Variants in TBC1D5 observed in about 807,000 individuals in gnomAD.
The protein encoded by TBC1D5 is TBC1 domain family, member 5.
A neutral mutation model predicts 100.3 loss-of-function variants in TBC1D5; 75 were observed. The ratio of observed to expected loss-of-function variants is 0.75; its 90% confidence interval spans 0.62 to 0.91. TBC1D5 has a LOEUF of 0.91. Ranked by LOEUF, TBC1D5 falls within the 40% of genes least tolerant of loss-of-function variation. The pLI is 0.00. For missense variants in TBC1D5, 910 were observed against 942.4 expected, an observed-to-expected ratio of 0.97 and a Z score of 0.45; for synonymous variants, 323 against 325.6, an observed-to-expected ratio of 0.99 and a Z score of 0.09.
chr3:17,577,097 A>G (rs1246693528), intron 2 of TBC1D5, among the ~76,000 whole-genome samples: 2 of 151,972 alleles, frequency 1.3e-5, no homozygotes, highest in African/African-American at 2.4e-5. Flanking sequence ...AGGCTATTAT[A>G]TGTACAACCC....
intron 7 of TBC1D5, 27 bp downstream of exon 7, chr3:17,404,667 T>A: frequency 6.4e-7 from 1 of 1,571,396 alleles, no homozygotes; most frequent in Admixed American, 1.9e-5. Flanking sequence ...CAAAAGAGGT[T>A]AAGACATGAA....
At chr3:17,413,321 T>C (rs1176752191) in intron 4 of TBC1D5, among the ~76,000 whole-genome samples, 2 of 152,172 alleles carry the variant, frequency 1.3e-5, no homozygotes, top group African/African-American at 4.8e-5. Context: ...CTGTAACTTA[T>C]TAAATATGTA....
rs150614567 is a variant in TBC1D5, at chr3:17,678,666, T to TAAAAAA, written c.-100-54759_-100-54754dup. Among the ~76,000 whole-genome samples the TAAAAAA allele has an allele frequency of 2.7e-3, 296 of 109,024 alleles. 5 individuals are homozygous for TAAAAAA. Among genetic ancestry groups the TAAAAAA allele is most frequent in the African/African-American group, 0.011 (260 of 23,946 alleles). The allele number at this position is 109,024 out of a possible 152,430, so 71.5% of individuals were successfully genotyped here. On this transcript the variant is annotated intron_variant, in intron 1 of 21. Transcript: ENST00000253692. ...AAGAGAACTGAGGGAAAAAGAGGGA[T>TAAAAAA]AAAAAAAAAAAAAAAAAAAAACAGG...
intron 3 of TBC1D5, among the ~76,000 whole-genome samples, chr3:17,494,906 C>T (rs953273472): frequency 6.6e-6 from 1 of 152,192 alleles, no homozygotes; most frequent in Non-Finnish European, 1.5e-5. Context: ...GTGGCATGGG[C>T]TCATGAGGGG....
At chr3:17,233,721 C>T in intron 17 of TBC1D5, 1 of 1,546,050 alleles carries the variant, frequency 6.5e-7, no homozygotes. Flanking sequence ...GGAACAGAAA[C>T]CTGAGCATCG....
intron 12 of TBC1D5, 112 bp from the exon 13 acceptor site, chr3:17,372,359 ACTC>A: frequency 1.0e-6 from 1 of 961,642 alleles, no homozygotes; most frequent in Non-Finnish European, 1.4e-6. Flanking sequence ...TCTGCCTACT[ACTC>A]ATTCTTAAAA....
intron 1 of TBC1D5, among the ~76,000 whole-genome samples, chr3:17,729,016 T>TAA (rs34461809): frequency 0.18 from 5,214 of 29,420 alleles, 560 homozygotes; most frequent in East Asian, 0.27. Flanking sequence ...TGAAAATCAG[T>TAA]AAAAAAAAAA....
intron 2 of TBC1D5, among the ~76,000 whole-genome samples, chr3:17,601,043 C>A (rs972662956): frequency 6.6e-6 from 1 of 152,174 alleles, no homozygotes; most frequent in Admixed American, 6.5e-5. Flanking sequence ...TACAGGACCA[C>A]CCATAAGTGA....
chr3:17,503,127 T>G (rs983444113), intron 3 of TBC1D5, among the ~76,000 whole-genome samples: 1 of 149,782 alleles, frequency 6.7e-6, no homozygotes, highest in Non-Finnish European at 1.5e-5. Flanking sequence ...GTTCTTCATA[T>G]AAGGGAGCTT....
intron 16 of TBC1D5, among the ~76,000 whole-genome samples, chr3:17,239,430 T>G (rs1396814725): frequency 6.6e-6 from 1 of 152,200 alleles, no homozygotes; most frequent in African/African-American, 2.4e-5. Context: ...CACTAAATTC[T>G]CTACTGAACT....
chr3:17,162,176 C>T (rs1319339439), intron 21 of TBC1D5, among the ~76,000 whole-genome samples: 1 of 152,216 alleles, frequency 6.6e-6, no homozygotes, highest in Non-Finnish European at 1.5e-5. Flanking sequence ...CAGCTGCCTC[C>T]CTCACCCTGT....
chr3:17,580,691 T>A (rs1451602962), intron 2 of TBC1D5, among the ~76,000 whole-genome samples: 1 of 152,178 alleles, frequency 6.6e-6, no homozygotes, highest in Non-Finnish European at 1.5e-5. Flanking sequence ...CCCCTTAAGC[T>A]GCCACCTGTT....
At chr3:17,345,488 CA>C (rs1694560551) in intron 13 of TBC1D5, among the ~76,000 whole-genome samples, 1 of 152,066 alleles carries the variant, frequency 6.6e-6, no homozygotes, top group South Asian at 2.1e-4. Context: ...TAAACTAGTT[CA>C]ACCATTGTGG....
chr3:17,645,116 T>C (rs1017395557), intron 1 of TBC1D5, among the ~76,000 whole-genome samples: 2 of 152,110 alleles, frequency 1.3e-5, no homozygotes, highest in East Asian at 1.9e-4. Context: ...TAAATATAAA[T>C]ATAATATAGA....
At chr3:17,545,630 A>T (rs1418681202) in intron 2 of TBC1D5, among the ~76,000 whole-genome samples, 1 of 152,234 alleles carries the variant, frequency 6.6e-6, no homozygotes, top group African/African-American at 2.4e-5. Flanking sequence ...ATAAGAAAAC[A>T]TGAATATTCA....
intron 14 of TBC1D5, among the ~76,000 whole-genome samples, chr3:17,296,233 CTTCT>C (rs1187307722): frequency 6.6e-6 from 1 of 152,068 alleles, no homozygotes; most frequent in African/African-American, 2.4e-5. Context: ...AAAAGAAAAC[CTTCT>C]TTCTTTTAAA....
chr3:17,706,145 G>A (rs948034126), intron 1 of TBC1D5: 4 of 1,593,018 alleles, frequency 2.5e-6, no homozygotes, highest in Non-Finnish European at 3.4e-6. Flanking sequence ...GGCAAAGGCT[G>A]CAGTTGATGG....
chr3:17,713,305 G>A (rs1443396240), intron 1 of TBC1D5, among the ~76,000 whole-genome samples: 4 of 150,056 alleles, frequency 2.7e-5, no homozygotes, highest in East Asian at 2.0e-4. Flanking sequence ...GCAGTGGCGC[G>A]ATCTCAGCTT....
intron 15 of TBC1D5, among the ~76,000 whole-genome samples, chr3:17,285,059 TAAA>T (rs879589846): frequency 7.3e-6 from 1 of 136,694 alleles, no homozygotes; most frequent in Non-Finnish European, 1.6e-5. Flanking sequence ...GTTTTGGGAG[TAAA>T]AAAAAAAAAA....
Sources: gnomAD v4.1 joint callset for allele counts (sites outside exome capture counted in the v4.1 genomes callset) on GRCh38, gnomAD v4.1.1 for gene constraint, MANE v1.5 for transcripts, NCBI Gene and HGNC (gene_info 2026-07-23, HGNC 2026-07-21) for gene names.